TANK: variants seen among roughly 807,000 people sequenced by gnomAD.
TANK encodes the protein TRAF family member-associated NF-kappa-B activator.
TANK carries 15 observed loss-of-function variants against 43.6 expected under a neutral mutation model. The ratio of observed to expected loss-of-function variants is 0.34; its 90% CI spans 0.23 to 0.53. The LOEUF is 0.53. TANK is among the 20% of genes least tolerant of loss of function. The probability of loss-of-function intolerance (pLI) is 0.94; values close to 1 mark genes in which losing one functional copy is unlikely to be tolerated. For missense variants in TANK, 417 were observed against 498.6 expected (o/e 0.84, Z 1.56); for synonymous variants, 162 against 178.2 (o/e 0.91, Z 0.73).
chr2:161,229,531 T>C (rs182554809), intron 6 of TANK, among the ~76,000 whole-genome samples: 348 of 152,188 alleles, frequency 2.3e-3, no homozygotes, highest in Non-Finnish European at 3.9e-3. Context: ...AAGGATGGTA[T>C]GAAGAGAGGT....
chr2:161,165,428 C>G (rs532235842), intron 1 of TANK, among the ~76,000 whole-genome samples: 10 of 152,282 alleles, frequency 6.6e-5, no homozygotes, highest in Non-Finnish European at 1.3e-4. Context: ...TTTTACTATT[C>G]ACAACCATTT....
intron 7 of TANK, among the ~76,000 whole-genome samples, chr2:161,234,881 CAGT>C (rs902447058): frequency 5.3e-5 from 8 of 152,122 alleles, no homozygotes; most frequent in African/African-American, 1.9e-4. Context: ...TGCTTATAAA[CAGT>C]AGTGAAATTG....
At chr2:161,232,919 C>T (rs1464449651) in intron 7 of TANK, 4 of 1,426,762 alleles carry the variant, frequency 2.8e-6, no homozygotes, top group Admixed American at 2.4e-5. Context: ...GATATTTTGG[C>T]AGAAAAAGCA....
At chr2:161,188,099 AG>A (rs1259648177) in intron 2 of TANK, among the ~76,000 whole-genome samples, 1 of 152,198 alleles carries the variant, frequency 6.6e-6, no homozygotes, top group Non-Finnish European at 1.5e-5. Flanking sequence ...CATGTATTGA[AG>A]AAGAGAGATC....
chr2:161,208,002 T>C (rs1467178190), intron 4 of TANK: 2 of 812,254 alleles, frequency 2.5e-6, no homozygotes, highest in Non-Finnish European at 3.0e-6. Context: ...AGTAAGTTAA[T>C]AGAAATGCTT....
chr2:161,201,595 C>CT (rs1376712768), intron 2 of TANK, among the ~76,000 whole-genome samples: 1 of 152,116 alleles, frequency 6.6e-6, no homozygotes, highest in African/African-American at 2.4e-5. Context: ...TTGTGAAGAA[C>CT]TTTGAGTTCT....
At position 161,167,871 on chromosome 2, in the gene TANK, G is replaced by A. The variant is rs568692311; in HGVS notation, c.-50+7385G>A. On this transcript the variant is annotated intron_variant, in intron 1 of 7. Transcript: ENST00000392749. ...GATCTCCTGACCTTGTGATACGCTC[G>A]CCTCGGCCTCCCAGAGTGCTGGGAT... Among the ~76,000 whole-genome samples, 15 of 152,068 alleles carry A rather than the reference G, an allele frequency of 9.9e-5. No individual in the cohort carries two copies. The South Asian group carries it at 3.1e-3, about 32-fold the overall frequency.
chr2:161,178,945 A>G (rs946141578), intron 1 of TANK, among the ~76,000 whole-genome samples: 1 of 152,124 alleles, frequency 6.6e-6, no homozygotes, highest in Admixed American at 6.6e-5. Flanking sequence ...TGTTATGCAG[A>G]CTGAGGTTAT....
chr2:161,217,258 G>T (rs1687157687), intron 4 of TANK, among the ~76,000 whole-genome samples: 1 of 152,184 alleles, frequency 6.6e-6, no homozygotes, highest in Non-Finnish European at 1.5e-5. Flanking sequence ...AAAGCTTTTA[G>T]CCTCGCACAA....
chr2:161,137,458 A>G (rs1683619725), intron 1 of TANK, among the ~76,000 whole-genome samples: 1 of 152,194 alleles, frequency 6.6e-6, no homozygotes, highest in Non-Finnish European at 1.5e-5. Context: ...GATAGAATTT[A>G]TGTCTCTACC....
intron 1 of TANK, among the ~76,000 whole-genome samples, chr2:161,172,134 A>T (rs950727716): frequency 7.9e-5 from 12 of 152,164 alleles, no homozygotes; most frequent in African/African-American, 2.9e-4. Context: ...TTGGATTAAT[A>T]GTCTTTTTAC....
At chr2:161,185,174 G>A (rs1477604765) in intron 2 of TANK, among the ~76,000 whole-genome samples, 1 of 152,082 alleles carries the variant, frequency 6.6e-6, no homozygotes, top group Non-Finnish European at 1.5e-5. Context: ...TACAAGGTAA[G>A]AAACAAATTA....
chr2:161,205,913 A>G (rs1686632477), intron 4 of TANK, among the ~76,000 whole-genome samples: 1 of 152,102 alleles, frequency 6.6e-6, no homozygotes, highest in Non-Finnish European at 1.5e-5. Context: ...AAGCAATTCT[A>G]CAGGCGCATG....
intron 1 of TANK, among the ~76,000 whole-genome samples, chr2:161,148,246 T>G (rs1683972668): frequency 1.3e-5 from 2 of 152,236 alleles, no homozygotes; most frequent in Admixed American, 1.3e-4. Flanking sequence ...GGTAATTCAT[T>G]GTAGTCCTGA....
chr2:161,217,409 A>C (rs1232949793), intron 4 of TANK, among the ~76,000 whole-genome samples: 1 of 152,154 alleles, frequency 6.6e-6, no homozygotes, highest in East Asian at 1.9e-4. Flanking sequence ...CCAGAATGTT[A>C]GTGGGCTTTG....
At chr2:161,202,734 G>T in intron 2 of TANK, 1 of 287,564 alleles carries the variant, frequency 3.5e-6, no homozygotes, top group Non-Finnish European at 7.2e-6. Context: ...CTATTGTTTG[G>T]TGATACGCTT....
At chr2:161,232,516 G>A (rs775301976) in intron 7 of TANK, among the ~76,000 whole-genome samples, 57 of 152,166 alleles carry the variant, frequency 3.7e-4, no homozygotes, top group Non-Finnish European at 7.4e-4. Flanking sequence ...GGAAGAACTA[G>A]GCATGGCTGA....
At chr2:161,156,135 A>G, upstream of TANK, 2 of 985,308 alleles carry the variant, frequency 2.0e-6, no homozygotes, top group Non-Finnish European at 2.4e-6. Context: ...ATTTACCCCA[A>G]TTTCTTCTTC....
chr2:161,230,246 G>C (rs1687841557), intron 6 of TANK, among the ~76,000 whole-genome samples: 1 of 152,086 alleles, frequency 6.6e-6, no homozygotes, highest in Non-Finnish European at 1.5e-5. Flanking sequence ...TCTAGCTTTT[G>C]ACTGTGTCCT....
Sources: allele counts gnomAD v4.1 joint callset (sites outside exome capture counted in the v4.1 genomes callset), GRCh38; gene constraint gnomAD v4.1.1; transcripts MANE v1.5; gene names NCBI Gene and HGNC (gene_info 2026-07-23, HGNC 2026-07-21).